Variants in RPS6KC1 observed in about 807,000 individuals in gnomAD.
RPS6KC1 encodes inactive ribosomal protein S6 kinase delta-1.
In RPS6KC1, 54 loss-of-function variants were observed where a neutral mutation model predicts 103.8. That is an observed-to-expected ratio of 0.52 (90% CI 0.42 to 0.65). The LOEUF is 0.65. Among genes scored for constraint, RPS6KC1 ranks in the 30% least tolerant of loss-of-function variants. The pLI, the probability that RPS6KC1 is intolerant of heterozygous loss-of-function variation, is 0.00. For missense variants in RPS6KC1, 1,151 were observed against 1,253.8 expected (o/e 0.92, Z 1.24); for synonymous variants, 439 against 438.7 (o/e 1.00, Z -0.01).
chr1:213,233,561 A>G (rs2094151963), intron 10 of RPS6KC1, among the ~76,000 whole-genome samples: 1 of 152,176 alleles, frequency 6.6e-6, no homozygotes, highest in African/African-American at 2.4e-5. Context: ...CAAAATTTTC[A>G]GTCTTAACTT....
the RPS6KC1 span, among the ~76,000 whole-genome samples, chr1:213,281,329 A>C: frequency 6.6e-6 from 1 of 152,202 alleles, no homozygotes; most frequent in African/African-American, 2.4e-5. Context: ...AGAATTTGCT[A>C]TTTTGAGAAC....
At chr1:213,428,489 CCTT>C in the RPS6KC1 span, among the ~76,000 whole-genome samples, 2 of 55,824 alleles carry the variant, frequency 3.6e-5, no homozygotes, top group Non-Finnish European at 6.3e-5. Flanking sequence ...TCCCTTCCTT[CCTT>C]CCTTCCTTCC....
the RPS6KC1 span, among the ~76,000 whole-genome samples, chr1:213,694,052 C>T: frequency 6.6e-6 from 1 of 152,338 alleles, no homozygotes; most frequent in African/African-American, 2.4e-5. Context: ...TCCCAGCCAG[C>T]ATCTTCACAA....
At chr1:213,109,335 C>T (rs540950317) in intron 4 of RPS6KC1, among the ~76,000 whole-genome samples, 4 of 152,112 alleles carry the variant, frequency 2.6e-5, no homozygotes, top group East Asian at 3.9e-4. Flanking sequence ...GACGGGGTTT[C>T]ACCATGTTAG....
chr1:213,592,798 G>A, the RPS6KC1 span, among the ~76,000 whole-genome samples: 1 of 152,202 alleles, frequency 6.6e-6, no homozygotes, highest in Non-Finnish European at 1.5e-5. Flanking sequence ...AGAGGGGCAA[G>A]CTTTGTGCTT....
the RPS6KC1 span, among the ~76,000 whole-genome samples, chr1:213,301,661 T>C: frequency 6.6e-6 from 1 of 152,150 alleles, no homozygotes; most frequent in Admixed American, 6.5e-5. Context: ...ATTGCACCAC[T>C]GCACTCCAGC....
chr1:213,623,064 C>G, the RPS6KC1 span, among the ~76,000 whole-genome samples: 140 of 152,148 alleles, frequency 9.2e-4, no homozygotes, highest in Non-Finnish European at 1.4e-3. Context: ...TCGATCCATT[C>G]AGAAGCATTT....
the RPS6KC1 span, among the ~76,000 whole-genome samples, chr1:213,697,971 C>G: frequency 6.6e-6 from 1 of 151,676 alleles, no homozygotes; most frequent in East Asian, 1.9e-4. Flanking sequence ...TCTTTCTTTC[C>G]TCCTCTTCCA....
At chr1:213,575,648 T>C in the RPS6KC1 span, among the ~76,000 whole-genome samples, 1 of 152,108 alleles carries the variant, frequency 6.6e-6, no homozygotes, top group Non-Finnish European at 1.5e-5. Flanking sequence ...GAACTGTGAG[T>C]CAATTAAACC....
At chr1:213,363,642 CTTTCTT>C in the RPS6KC1 span, among the ~76,000 whole-genome samples, 2 of 56,746 alleles carry the variant, frequency 3.5e-5, no homozygotes, top group Non-Finnish European at 6.3e-5. Context: ...TTCTTTCTTT[CTTTCTT>C]TCTTTCTTTC....
chr1:213,413,302 A>G, the RPS6KC1 span, among the ~76,000 whole-genome samples: 2 of 152,230 alleles, frequency 1.3e-5, no homozygotes, highest in Admixed American at 1.3e-4. Context: ...ATCTTGAAAT[A>G]TATAATAAGT....
At chr1:213,629,232 G>T in the RPS6KC1 span, among the ~76,000 whole-genome samples, 5 of 151,958 alleles carry the variant, frequency 3.3e-5, no homozygotes, top group African/African-American at 4.8e-5. Context: ...CTCTTTGTAG[G>T]TCTCTAAGGA....
At chr1:213,712,393 T>C in the RPS6KC1 span, among the ~76,000 whole-genome samples, 1 of 152,324 alleles carries the variant, frequency 6.6e-6, no homozygotes, top group Non-Finnish European at 1.5e-5. Context: ...CCAGGTCAAC[T>C]TCAGACTGCT....
At chr1:213,583,526 A>C in the RPS6KC1 span, among the ~76,000 whole-genome samples, 42 of 152,316 alleles carry the variant, frequency 2.8e-4, no homozygotes, top group African/African-American at 9.9e-4. Flanking sequence ...GCTTGTTAAA[A>C]ATACAGATTC....
At chr1:213,259,939 A>G (rs1311376186) in intron 12 of RPS6KC1, among the ~76,000 whole-genome samples, 1 of 151,934 alleles carries the variant, frequency 6.6e-6, no homozygotes, top group Non-Finnish European at 1.5e-5. Context: ...GGGTTTCGCC[A>G]TGTTGGCCAG....
chr1:213,758,396 G>A, the RPS6KC1 span, among the ~76,000 whole-genome samples: 5 of 152,030 alleles, frequency 3.3e-5, no homozygotes, highest in African/African-American at 1.2e-4. Flanking sequence ...TGGACAACAT[G>A]GTAAAACCCT....
the RPS6KC1 span, among the ~76,000 whole-genome samples, chr1:213,693,784 C>CCT: frequency 6.6e-6 from 1 of 152,178 alleles, no homozygotes; most frequent in African/African-American, 2.4e-5. Flanking sequence ...AAGTTTAGGG[C>CCT]CTGGGTATTG....
chr1:213,700,893 TATGTTGATTTTGTACACTTCA>T, the RPS6KC1 span, among the ~76,000 whole-genome samples: 15 of 152,200 alleles, frequency 9.9e-5, no homozygotes, highest in South Asian at 3.1e-3. Context: ...CTAATTTTTG[TATGTTGATTTTGTACACTTCA>T]ATGTTAGTAA....
intron 8 of RPS6KC1, among the ~76,000 whole-genome samples, chr1:213,190,403 A>G (rs1384855783): frequency 6.6e-6 from 1 of 152,172 alleles, no homozygotes; most frequent in Non-Finnish European, 1.5e-5. Context: ...CTGATGATCA[A>G]TGATGTTGAA....
Sources: allele counts gnomAD v4.1 joint callset (sites outside exome capture counted in the v4.1 genomes callset), GRCh38; gene constraint gnomAD v4.1.1; transcripts MANE v1.5; gene names NCBI Gene and HGNC (gene_info 2026-07-23, HGNC 2026-07-21).